RPAP3: variants seen among roughly 807,000 people sequenced by gnomAD.
RPAP3 encodes the protein RNA polymerase II-associated protein 3.
RPAP3 carries 58 observed loss-of-function variants against 88.8 expected under a neutral mutation model. That is an observed-to-expected ratio of 0.65 (90% CI 0.53 to 0.81). The LOEUF is 0.81. Ranked by LOEUF, RPAP3 falls within the 40% of genes least tolerant of loss-of-function variation. RPAP3 has a pLI of 0.00. For missense variants in RPAP3, 751 were observed against 764.3 expected, an observed-to-expected ratio of 0.98 and a Z score of 0.20; for synonymous variants, 255 against 259.9, an observed-to-expected ratio of 0.98 and a Z score of 0.18.
chr12:47,696,587 C>T (rs1044556385), intron 4 of RPAP3, among the ~76,000 whole-genome samples, 184 bp from the exon 5 acceptor site: 1 of 151,840 alleles, frequency 6.6e-6, no homozygotes, highest in Admixed American at 6.6e-5. Flanking sequence ...CTCTGCCACC[C>T]GAGAGAGCAA....
In RPAP3 at chr12:47,668,987, T is replaced by C. The variant is rs1938939123; in HGVS notation, c.1642A>G (p.Asn548Asp). ...AAATCAGATTCGAGCTGGAACGAGT[T>C]TGCAGGAATTGGAGGAAGAACAGTT... ...ATTVLPPIPA[N>D]SFQLESDFRQ... The change falls in exon 14 of 17, where the codon AAC becomes GAC. Residue 548 changes from asparagine (N) to aspartate (D), a missense_variant. By Grantham distance (23) the Asn-to-Asp change is conservative. Transcript: ENST00000005386. 6.2e-7 allele frequency: 1 copy of C among 1,613,928 alleles called. No homozygotes were observed. Among genetic ancestry groups the C allele is most frequent in the Non-Finnish European group, 8.5e-7 (1 of 1,179,958 alleles).
intron 8 of RPAP3, 50 bp downstream of exon 8, chr12:47,687,826 C>A: frequency 2.6e-6 from 4 of 1,559,168 alleles, no homozygotes; most frequent in South Asian, 2.4e-5. Flanking sequence ...AGAAATAAAT[C>A]AACACTCAGC....
intron 9 of RPAP3, among the ~76,000 whole-genome samples, chr12:47,684,976 G>A (rs1360787268): frequency 6.6e-6 from 1 of 152,124 alleles, no homozygotes; most frequent in Non-Finnish European, 1.5e-5. Flanking sequence ...GTGGAAACTT[G>A]TTTAGGAAAA....
rs781278836 is a variant in RPAP3, at chr12:47,687,956, CTA to C, written c.782_783del (p.Ile261SerfsTer3). 1.7e-5 allele frequency: 28 copies of C among 1,613,330 alleles called. No homozygotes were observed. The highest frequency in any genetic ancestry group is 2.3e-5 in the Non-Finnish European group (27 of 1,179,612). ...CGCTCTCCTTCTGTTGACTTAATCA[CTA>C]TGTCAGCTTCCTTTGGATATGAGTT... Reference protein sequence around the residue: ...KENSYPKEADIVIKSTEGERK... With the variant: ...KENSYPKEADXVIKSTEGERK... On this transcript the variant is annotated frameshift_variant, in exon 8 of 17. Transcript: ENST00000005386. LOFTEE classifies it high-confidence loss of function.
chr12:47,668,162 T>C (rs753972194), intron 14 of RPAP3, among the ~76,000 whole-genome samples: 1 of 152,116 alleles, frequency 6.6e-6, no homozygotes, highest in Non-Finnish European at 1.5e-5. Context: ...GTCATTGCAC[T>C]CCAGCCTGGG....
rs757218659 is a variant in RPAP3, at chr12:47,687,932, G to A, written c.808C>T (p.Arg270Ter). Residue 270 changes from arginine (R) to a stop codon, truncating the protein, a stop_gained, in exon 8 of 17, where the codon CGA becomes TGA. Coordinates refer to ENST00000005386, the MANE Select transcript of RPAP3 (RefSeq NM_024604.3). LOFTEE classifies it high-confidence loss of function. ...DIVIKSTEGERKQIEAQQNKQ... is the reference protein window; with the variant it reads ...DIVIKSTEGE ...TTCTGTTGTGCTTCAATTTGCTTTC[G>A]CTCTCCTTCTGTTGACTTAATCACT... 14 of 1,613,272 alleles carry A rather than the reference G, an allele frequency of 8.7e-6. No homozygotes were observed. The highest frequency in any genetic ancestry group is 6.7e-5 in the African/African-American group (5 of 74,858).
intron 9 of RPAP3, among the ~76,000 whole-genome samples, chr12:47,682,728 AT>A (rs1366643727): frequency 6.6e-6 from 1 of 152,044 alleles, no homozygotes; most frequent in Non-Finnish European, 1.5e-5. Context: ...CAAGGCCTAA[AT>A]GGATGTCATC....
At chr12:47,667,927 T>A in intron 14 of RPAP3, 76 bp from the exon 15 acceptor site, 2 of 949,326 alleles carry the variant, frequency 2.1e-6, no homozygotes, top group Non-Finnish European at 3.2e-6. Flanking sequence ...ATTGCTTGGG[T>A]AAAAATAGTA....
At chr12:47,668,781 G>A in intron 14 of RPAP3, 135 bp downstream of exon 14, 1 of 645,044 alleles carries the variant, frequency 1.6e-6, no homozygotes, top group Non-Finnish European at 2.7e-6. Flanking sequence ...TAAATGGTCT[G>A]ACCAGGGTGA....
At chr12:47,664,346 A>AGATCCC (rs1938822888) in intron 16 of RPAP3, among the ~76,000 whole-genome samples, 1 of 152,094 alleles carries the variant, frequency 6.6e-6, no homozygotes. Context: ...GCTGAGATCG[A>AGATCCC]GCCACTGCAC....
chr12:47,674,865 G>A (rs1237508084), intron 12 of RPAP3, among the ~76,000 whole-genome samples: 1 of 152,142 alleles, frequency 6.6e-6, no homozygotes, highest in African/African-American at 2.4e-5. Context: ...TAGCAAGGCA[G>A]GCCAACATTC....
intron 12 of RPAP3, among the ~76,000 whole-genome samples, chr12:47,673,787 A>G (rs577450033): frequency 6.6e-6 from 1 of 152,228 alleles, no homozygotes; most frequent in African/African-American, 2.4e-5. Context: ...CTTTGTAATT[A>G]TTCTCTAAAT....
rs1250910308 is a variant in RPAP3, at chr12:47,668,976, C to T, written c.1653G>A (p.Gln551=). The T allele has an allele frequency of 6.2e-7, 1 of 1,614,030 alleles. No homozygotes were observed. The highest frequency in any genetic ancestry group is 1.3e-5 in the African/African-American group (1 of 75,024). Residue 551 remains glutamine, a synonymous_variant, in exon 14 of 17, where the codon CAG becomes CAA. Coordinates refer to ENST00000005386, the MANE Select transcript of RPAP3 (RefSeq NM_024604.3). ...VLPPIPANSF[Q]LESDFRQLKS... is the part of the protein sequence containing the mutation. ...TCAATTGTCTGAAATCAGATTCGAG[C>T]TGGAACGAGTTTGCAGGAATTGGAG... is the stretch of plus-strand genomic sequence containing the variant.
In RPAP3 at chr12:47,701,451, T is replaced by C; in HGVS notation, c.294+13A>G. On this transcript the variant is annotated intron_variant, in intron 3 of 16. Transcript: ENST00000005386. ...ACTCAAATATTAAGAAGCAAATGAC[T>C]AGATTAACTTACCACATCAAGTTTT... 6.5e-7 allele frequency: 1 copy of C among 1,542,644 alleles called. No homozygotes were observed. Among genetic ancestry groups the C allele is most frequent in the Non-Finnish European group, 8.7e-7 (1 of 1,149,456 alleles).
At chr12:47,697,938 T>C (rs896181833) in intron 3 of RPAP3, among the ~76,000 whole-genome samples, 3 of 152,118 alleles carry the variant, frequency 2.0e-5, no homozygotes, top group Non-Finnish European at 4.4e-5. Context: ...AAATCTGACT[T>C]TGAACTCATA....
In RPAP3 at chr12:47,692,562, T is replaced by A. The variant is rs1404405611; in HGVS notation, c.546-1923A>T. Among the ~76,000 whole-genome samples the A allele has an allele frequency of 2.0e-5, 3 of 152,238 alleles. No homozygotes were observed. The East Asian group carries it at 5.8e-4, about 29-fold the overall frequency. On this transcript the variant is annotated intron_variant, in intron 5 of 16. Coordinates refer to ENST00000005386, the MANE Select transcript of RPAP3 (RefSeq NM_024604.3). Reference sequence around the variant, plus strand: ...AGAGCATTAGAGCCTTGCACTGGATTAGACTTTGGCTCAGGGGAATGTTGT... The same window carrying A: ...AGAGCATTAGAGCCTTGCACTGGATAAGACTTTGGCTCAGGGGAATGTTGT...
intron 16 of RPAP3, 47 bp from the exon 17 acceptor site, chr12:47,663,637 A>C: frequency 8.5e-7 from 1 of 1,170,106 alleles, no homozygotes; most frequent in Non-Finnish European, 1.2e-6. Flanking sequence ...TTTTTTAAAA[A>C]CCAAGCAAAA....
At chr12:47,694,567 C>T (rs1939486479) in intron 5 of RPAP3, among the ~76,000 whole-genome samples, 1 of 150,446 alleles carries the variant, frequency 6.6e-6, no homozygotes, top group Admixed American at 6.6e-5. Flanking sequence ...AGATAAGCTA[C>T]AAATTGAGAG....
rs1405868312 is a variant in RPAP3 at position 47,662,310 on chromosome 12, ACT to A, written c.*1193_*1194del. 1 of 152,212 alleles carries A rather than the reference ACT, an allele frequency of 6.6e-6. No homozygotes were observed. The highest frequency in any genetic ancestry group is 2.4e-5 in the African/African-American group (1 of 41,452). 9.4% of individuals were successfully genotyped at this position (152,212 alleles called of 1,614,324 possible). A position where few individuals can be genotyped will look rare whatever the true frequency, so the allele number is the denominator to read the frequency against. ...ATTTAGCAATAAACAAAGTTAATAA[ACT>A]CTATCAAGTGTATTTTAAAGCATTC... On this transcript the variant is annotated 3_prime_UTR_variant, in exon 17 of 17. Coordinates refer to ENST00000005386, the MANE Select transcript of RPAP3 (RefSeq NM_024604.3).
Sources: gnomAD v4.1 joint callset for allele counts (sites outside exome capture counted in the v4.1 genomes callset) on GRCh38, gnomAD v4.1.1 for gene constraint, MANE v1.5 for transcripts, NCBI Gene and HGNC (gene_info 2026-07-23, HGNC 2026-07-21) for gene names.